The following EPHA6 variants were observed in gnomAD, a reference collection of about 807,000 sequenced individuals.
EPHA6 encodes ephrin type-A receptor 6.
EPHA6 carries 50 observed loss-of-function variants against 112.0 expected under a neutral mutation model. The ratio of observed to expected loss-of-function variants is 0.45; its 90% CI spans 0.36 to 0.56. EPHA6 has a LOEUF of 0.56. Ranked by LOEUF, EPHA6 falls within the 20% of genes least tolerant of loss-of-function variation. EPHA6 has a pLI of 0.00. For synonymous variants in EPHA6, 529 were observed against 490.7 expected (o/e 1.08, Z -1.03); for missense variants, 1,280 against 1,417.4 (o/e 0.90, Z 1.56).
At chr3:97,120,764 A>G (rs2048018721) in intron 3 of EPHA6, among the ~76,000 whole-genome samples, 1 of 151,956 alleles carries the variant, frequency 6.6e-6, no homozygotes, top group African/African-American at 2.4e-5. Context: ...ATGTGAATAC[A>G]ACGATGAGTG....
chr3:97,078,968 T>C (rs1467945536), intron 3 of EPHA6, among the ~76,000 whole-genome samples: 1 of 152,136 alleles, frequency 6.6e-6, no homozygotes, highest in African/African-American at 2.4e-5. Context: ...CCTCAAAGAC[T>C]TAAAGACAGG....
At chr3:97,180,400 A>C (rs1175857084) in intron 3 of EPHA6, among the ~76,000 whole-genome samples, 3 of 151,990 alleles carry the variant, frequency 2.0e-5, no homozygotes, top group Non-Finnish European at 4.4e-5. Context: ...GCTGGTACCT[A>C]AGGTACAAGG....
At chr3:96,887,438 A>G (rs1405986794) in intron 2 of EPHA6, among the ~76,000 whole-genome samples, 1 of 152,024 alleles carries the variant, frequency 6.6e-6, no homozygotes, top group Non-Finnish European at 1.5e-5. Context: ...TGTGATGTGA[A>G]CCATTTATGG....
chr3:97,433,583 G>C (rs1187831927), intron 6 of EPHA6, among the ~76,000 whole-genome samples: 1 of 152,126 alleles, frequency 6.6e-6, no homozygotes, highest in Non-Finnish European at 1.5e-5. Context: ...AGGTGACTAG[G>C]CATACTTGGA....
chr3:96,914,676 G>A (rs537741290), intron 2 of EPHA6, among the ~76,000 whole-genome samples: 1 of 152,152 alleles, frequency 6.6e-6, no homozygotes, highest in Non-Finnish European at 1.5e-5. Flanking sequence ...AGGAAATAAG[G>A]TATTATTAAG....
intron 3 of EPHA6, among the ~76,000 whole-genome samples, chr3:97,170,763 A>G (rs1364818635): frequency 3.4e-5 from 5 of 148,918 alleles, no homozygotes; most frequent in Non-Finnish European, 7.4e-5. Context: ...AGAAAAAAAA[A>G]GAAATATAGG....
chr3:97,703,540 ACATCATAT>A (rs2033513809), intron 14 of EPHA6, among the ~76,000 whole-genome samples: 2 of 152,178 alleles, frequency 1.3e-5, no homozygotes, highest in African/African-American at 4.8e-5. Flanking sequence ...AGCAACTTAC[ACATCATAT>A]AAAGTTTTCC....
intron 3 of EPHA6, among the ~76,000 whole-genome samples, chr3:97,069,809 G>T (rs923380289): frequency 7.2e-5 from 11 of 152,116 alleles, no homozygotes; most frequent in African/African-American, 2.2e-4. Context: ...TTACTAATAG[G>T]CTATGCTTTA....
At chr3:97,508,626 A>G (rs2107581848) in intron 10 of EPHA6, among the ~76,000 whole-genome samples, 1 of 152,266 alleles carries the variant, frequency 6.6e-6, no homozygotes, top group Middle Eastern at 3.4e-3. Context: ...AGAAGAATGT[A>G]TATTCTGTTG....
At chr3:97,535,858 CAT>C (rs1234454645) in intron 11 of EPHA6, among the ~76,000 whole-genome samples, 2 of 151,812 alleles carry the variant, frequency 1.3e-5, no homozygotes, top group African/African-American at 4.8e-5. Context: ...TTTTTTATCT[CAT>C]ATAGGATTTA....
At chr3:97,210,717 C>T (rs1423572136) in intron 3 of EPHA6, among the ~76,000 whole-genome samples, 1 of 152,116 alleles carries the variant, frequency 6.6e-6, no homozygotes, top group African/African-American at 2.4e-5. Context: ...CTCAGTGCTA[C>T]ATAAAAAAAC....
At chr3:97,336,437 T>G (rs1245609114) in intron 5 of EPHA6, among the ~76,000 whole-genome samples, 1 of 152,274 alleles carries the variant, frequency 6.6e-6, no homozygotes, top group Non-Finnish European at 1.5e-5. Context: ...ATGTGGAGTG[T>G]TCTCTACACG....
chr3:97,400,727 A>ATT (rs2086945279), intron 5 of EPHA6, among the ~76,000 whole-genome samples: 1 of 151,458 alleles, frequency 6.6e-6, no homozygotes, highest in Non-Finnish European at 1.5e-5. Flanking sequence ...TTTTCAGCAT[A>ATT]TTTATGACTG....
chr3:97,650,700 C>T (rs989303762), intron 14 of EPHA6, among the ~76,000 whole-genome samples: 1 of 151,556 alleles, frequency 6.6e-6, no homozygotes, highest in Non-Finnish European at 1.5e-5. Flanking sequence ...TGTAATAAGC[C>T]TTTTGTCTCT....
At position 97,104,575 on chromosome 3, in the gene EPHA6, A is replaced by G. The variant is rs1006251420; in HGVS notation, c.1114+116582A>G. 5.3e-5 allele frequency among the ~76,000 whole-genome samples: 8 copies of G among 152,114 alleles called. No individual in the cohort carries two copies. The East Asian group carries it at 1.5e-3, about 29-fold the overall frequency. The stretch of plus-strand genomic sequence containing the variant: ...TATTTAGTTGAGGATTTTTGCGTCA[A>G]TGTTTATCAAGGATATTGGCCTGAA... On this transcript the variant is annotated intron_variant, in intron 3 of 17. Coordinates refer to ENST00000389672, the MANE Select transcript of EPHA6 (RefSeq NM_001080448.3).
intron 5 of EPHA6, among the ~76,000 whole-genome samples, chr3:97,269,582 G>A (rs568248114): frequency 1.2e-4 from 18 of 152,298 alleles, no homozygotes; most frequent in African/African-American, 3.6e-4. Flanking sequence ...GGCTACACAC[G>A]AGAACCACTT....
intron 14 of EPHA6, among the ~76,000 whole-genome samples, chr3:97,682,645 T>C (rs2031952402): frequency 6.6e-6 from 1 of 152,082 alleles, no homozygotes; most frequent in South Asian, 2.1e-4. Context: ...TCATTTGTGC[T>C]CAATTGAGGG....
intron 5 of EPHA6, among the ~76,000 whole-genome samples, chr3:97,379,624 C>G (rs2085593523): frequency 6.6e-6 from 1 of 151,336 alleles, no homozygotes; most frequent in African/African-American, 2.4e-5. Flanking sequence ...TGGCAGGCAC[C>G]TGTAATCCCA....
At chr3:97,157,400 GA>G (rs995228800) in intron 3 of EPHA6, among the ~76,000 whole-genome samples, 36 of 152,168 alleles carry the variant, frequency 2.4e-4, no homozygotes, top group Admixed American at 2.2e-3. Flanking sequence ...TTTGCTAGAA[GA>G]GTCAATATAT....
Sources: gnomAD v4.1 joint callset for allele counts (sites outside exome capture counted in the v4.1 genomes callset) on GRCh38, gnomAD v4.1.1 for gene constraint, MANE v1.5 for transcripts, NCBI Gene and HGNC (gene_info 2026-07-23, HGNC 2026-07-21) for gene names.